Variants in ARHGAP26 observed in about 807,000 individuals in gnomAD.
ARHGAP26 encodes the protein rho GTPase-activating protein 26.
Under a neutral mutation model 104.8 loss-of-function variants are expected in ARHGAP26, and 38 were observed. The ratio of observed to expected loss-of-function variants is 0.36; its 90% CI spans 0.28 to 0.48. The LOEUF (loss-of-function observed/expected upper bound fraction) is 0.48, where lower values mean the gene tolerates loss of function less well. Ranked by LOEUF, ARHGAP26 falls within the 20% of genes least tolerant of loss-of-function variation. ARHGAP26 has a pLI of 0.99. For synonymous variants in ARHGAP26, 341 were observed against 340.0 expected, an observed-to-expected ratio of 1.00 and a Z score of -0.03; for missense variants, 704 against 947.9, an observed-to-expected ratio of 0.74 and a Z score of 3.38.
chr5:143,198,678 G>A (rs1314101272), intron 20 of ARHGAP26, among the ~76,000 whole-genome samples: 1 of 152,140 alleles, frequency 6.6e-6, no homozygotes, highest in Non-Finnish European at 1.5e-5. Context: ...TTGACTTGGG[G>A]AACATTAAGG....
At chr5:142,977,743 C>G (rs1235624870) in intron 11 of ARHGAP26, among the ~76,000 whole-genome samples, 1 of 152,196 alleles carries the variant, frequency 6.6e-6, no homozygotes, top group African/African-American at 2.4e-5. Flanking sequence ...CACTGCCTCC[C>G]CAAAGACAGA....
chr5:142,774,774 C>G (rs988518364), intron 1 of ARHGAP26, among the ~76,000 whole-genome samples: 1 of 152,150 alleles, frequency 6.6e-6, no homozygotes, highest in African/African-American at 2.4e-5. Context: ...AACCACTAAT[C>G]TTTTTACTGT....
chr5:142,931,303 G>A (rs1454896759), intron 10 of ARHGAP26, among the ~76,000 whole-genome samples: 2 of 152,154 alleles, frequency 1.3e-5, no homozygotes, highest in Admixed American at 1.3e-4. Context: ...TTCTCCCAAG[G>A]TCGTTTTTAT....
chr5:142,796,096 T>A (rs898859621), intron 1 of ARHGAP26, among the ~76,000 whole-genome samples: 3 of 149,614 alleles, frequency 2.0e-5, no homozygotes, highest in African/African-American at 7.6e-5. Context: ...GTGTGTTACG[T>A]CTCTCCTACT....
intron 1 of ARHGAP26, among the ~76,000 whole-genome samples, chr5:142,827,126 T>C (rs1376529026): frequency 6.6e-6 from 1 of 152,110 alleles, no homozygotes; most frequent in African/African-American, 2.4e-5. Context: ...AATCCTATTT[T>C]TTTTCTACCC....
chr5:143,185,882 C>G (rs1190812781), intron 20 of ARHGAP26, among the ~76,000 whole-genome samples: 1 of 152,236 alleles, frequency 6.6e-6, no homozygotes, highest in Non-Finnish European at 1.5e-5. Flanking sequence ...TGCTTTCCCA[C>G]TTGACCTTGC....
At chr5:142,961,929 C>T (rs181521370) in intron 11 of ARHGAP26, among the ~76,000 whole-genome samples, 6 of 152,116 alleles carry the variant, frequency 3.9e-5, no homozygotes, top group East Asian at 1.9e-4. Context: ...ACAAAAATGA[C>T]GACAGATCCA....
chr5:143,129,393 G>A (rs1163138313), intron 18 of ARHGAP26, among the ~76,000 whole-genome samples: 3 of 152,114 alleles, frequency 2.0e-5, no homozygotes, highest in African/African-American at 7.2e-5. Context: ...TTACAGATAA[G>A]GTCTCTGAAG....
intron 17 of ARHGAP26, among the ~76,000 whole-genome samples, chr5:143,115,419 T>C (rs1433870580): frequency 6.6e-6 from 1 of 151,706 alleles, no homozygotes; most frequent in Non-Finnish European, 1.5e-5. Context: ...AAGTATTTCA[T>C]ATTTTTTTTT....
chr5:143,195,312 T>G (rs890520111), intron 20 of ARHGAP26, among the ~76,000 whole-genome samples: 1 of 152,208 alleles, frequency 6.6e-6, no homozygotes. Context: ...GAATCTCCTC[T>G]CCAGGGTTAC....
intron 11 of ARHGAP26, among the ~76,000 whole-genome samples, chr5:142,991,185 G>T (rs1775556423): frequency 6.6e-6 from 1 of 152,174 alleles, no homozygotes; most frequent in Admixed American, 6.5e-5. Flanking sequence ...CCCCAGCCTT[G>T]CTGCCGCCTT....
intron 11 of ARHGAP26, among the ~76,000 whole-genome samples, chr5:142,987,505 T>G (rs1333623638): frequency 1.3e-5 from 2 of 151,128 alleles, no homozygotes; most frequent in African/African-American, 4.9e-5. Flanking sequence ...CCTGCCTGAT[T>G]GCCCTGGCCA....
At chr5:143,149,145 C>T (rs762921218) in intron 20 of ARHGAP26, among the ~76,000 whole-genome samples, 3 of 152,122 alleles carry the variant, frequency 2.0e-5, no homozygotes, top group Non-Finnish European at 4.4e-5. Context: ...GCCCACTTCA[C>T]ACCACCCAGA....
chr5:142,822,891 GT>G (rs1766477714), intron 1 of ARHGAP26, among the ~76,000 whole-genome samples: 1 of 152,186 alleles, frequency 6.6e-6, no homozygotes, highest in Admixed American at 6.5e-5. Context: ...TGGGAGACCA[GT>G]CAGTAAATAG....
intron 20 of ARHGAP26, among the ~76,000 whole-genome samples, chr5:143,200,571 T>C (rs1807546513): frequency 6.6e-6 from 1 of 151,542 alleles, no homozygotes; most frequent in African/African-American, 2.4e-5. Flanking sequence ...AAGGAGGGTA[T>C]TAACTACATG....
chr5:143,033,406 G>C (rs1276609469), intron 12 of ARHGAP26, among the ~76,000 whole-genome samples: 1 of 152,120 alleles, frequency 6.6e-6, no homozygotes, highest in Non-Finnish European at 1.5e-5. Flanking sequence ...GATGTATTTG[G>C]AAGCGTCCAT....
chr5:143,024,991 G>T (rs1317908383), intron 12 of ARHGAP26, among the ~76,000 whole-genome samples: 1 of 152,048 alleles, frequency 6.6e-6, no homozygotes, highest in African/African-American at 2.4e-5. Context: ...TAAATCTTTG[G>T]TTTTTTTGGA....
chr5:142,984,097 T>C (rs1774333105), intron 11 of ARHGAP26, among the ~76,000 whole-genome samples: 1 of 152,218 alleles, frequency 6.6e-6, no homozygotes, highest in African/African-American at 2.4e-5. Context: ...CTTTAGGATG[T>C]AGGCTTTTGT....
chr5:143,212,868 G>A (rs1044162222), intron 21 of ARHGAP26, among the ~76,000 whole-genome samples: 5 of 152,144 alleles, frequency 3.3e-5, no homozygotes, highest in Non-Finnish European at 7.4e-5. Context: ...ATGCCTGGCC[G>A]GGCGCGGTGG....
Sources: allele counts gnomAD v4.1 joint callset (sites outside exome capture counted in the v4.1 genomes callset), GRCh38; gene constraint gnomAD v4.1.1; transcripts MANE v1.5; gene names NCBI Gene and HGNC (gene_info 2026-07-23, HGNC 2026-07-21).